The following BMP5 variants were observed in gnomAD, a reference collection of about 807,000 sequenced individuals.
BMP5 encodes bone morphogenetic protein 5.
Under a neutral mutation model 46.6 loss-of-function variants are expected in BMP5, and 23 were observed. The ratio of observed to expected loss-of-function variants is 0.49; its 90% confidence interval spans 0.35 to 0.70. The LOEUF (loss-of-function observed/expected upper bound fraction) is 0.70. Among genes scored for constraint, BMP5 ranks in the 30% least tolerant of loss-of-function variants. BMP5 has a pLI of 0.00. For synonymous variants in BMP5, 204 were observed against 191.9 expected (o/e 1.06, Z -0.52); for missense variants, 545 against 565.6 (o/e 0.96, Z 0.37).
At chr6:55,788,460 A>G (rs1476218610) in intron 3 of BMP5, among the ~76,000 whole-genome samples, 7 of 151,806 alleles carry the variant, frequency 4.6e-5, no homozygotes, top group Non-Finnish European at 8.9e-5. Context: ...CATCAATCTG[A>G]CCTTTTCCCT....
At chr6:55,767,035 T>C (rs1774931757) in intron 4 of BMP5, among the ~76,000 whole-genome samples, 2 of 152,064 alleles carry the variant, frequency 1.3e-5, no homozygotes, top group Non-Finnish European at 2.9e-5. Context: ...TGAATAAATA[T>C]TATTTATAAG....
chr6:55,766,145 G>A (rs1774911621), intron 4 of BMP5, among the ~76,000 whole-genome samples: 1 of 152,064 alleles, frequency 6.6e-6, no homozygotes, highest in African/African-American at 2.4e-5. Flanking sequence ...TAGGTATCCT[G>A]TTGGAAGCCC....
intron 2 of BMP5, among the ~76,000 whole-genome samples, chr6:55,795,745 C>G (rs1449645471): frequency 6.6e-6 from 1 of 152,072 alleles, no homozygotes; most frequent in East Asian, 1.9e-4. Flanking sequence ...TCTAAATATC[C>G]TAATACAAAC....
chr6:55,808,925 C>T (rs1776056740), intron 2 of BMP5, among the ~76,000 whole-genome samples: 1 of 152,156 alleles, frequency 6.6e-6, no homozygotes, highest in South Asian at 2.1e-4. Flanking sequence ...ACCCACCCCA[C>T]AGATACTTTA....
chr6:55,783,980 T>G (rs918030465), intron 3 of BMP5, among the ~76,000 whole-genome samples: 9 of 151,964 alleles, frequency 5.9e-5, no homozygotes, highest in African/African-American at 2.2e-4. Context: ...TTACTTTAAA[T>G]CAATAATTTT....
At chr6:55,772,243 T>A (rs1168757809) in intron 4 of BMP5, among the ~76,000 whole-genome samples, 1 of 151,976 alleles carries the variant, frequency 6.6e-6, no homozygotes, top group East Asian at 1.9e-4. Context: ...TCCATGTGTT[T>A]TATTCATCTC....
In BMP5 at chr6:55,850,886, A is replaced by G. The variant is rs370406672; in HGVS notation, c.490+23490T>C. Among the ~76,000 whole-genome samples, 21 of 152,320 alleles carry G rather than the reference A, an allele frequency of 1.4e-4. No homozygotes were observed. The East Asian group carries it at 4.1e-3, about 29-fold the overall frequency. On this transcript the variant is annotated intron_variant, in intron 1 of 6. Coordinates refer to ENST00000370830, the MANE Select transcript of BMP5 (RefSeq NM_021073.4). Reference sequence around the variant, plus strand: ...TCATTGCAAACAGGAGATAATAAACAGTTTACCTTACAAGATGTAGAATGC... The same window carrying G: ...TCATTGCAAACAGGAGATAATAAACGGTTTACCTTACAAGATGTAGAATGC...
chr6:55,825,409 AATCAAATTATTCAC>A (rs1776506090), intron 1 of BMP5, among the ~76,000 whole-genome samples: 1 of 151,842 alleles, frequency 6.6e-6, no homozygotes, highest in African/African-American at 2.4e-5. Context: ...GTAAAATATG[AATCAAATTATTCAC>A]ATCCCATGAT....
At chr6:55,828,394 G>T (rs1438169991) in intron 1 of BMP5, among the ~76,000 whole-genome samples, 2 of 151,768 alleles carry the variant, frequency 1.3e-5, no homozygotes, top group Non-Finnish European at 2.9e-5. Flanking sequence ...TTGTGCTACT[G>T]TGAAAAGACA....
intron 1 of BMP5, among the ~76,000 whole-genome samples, chr6:55,867,617 T>C (rs1482381351): frequency 6.6e-6 from 1 of 152,092 alleles, no homozygotes; most frequent in East Asian, 1.9e-4. Flanking sequence ...ACCTGCGCAG[T>C]TGCACAGGGT....
At chr6:55,771,011 T>G (rs73453356) in intron 4 of BMP5, among the ~76,000 whole-genome samples, 8,003 of 151,600 alleles carry the variant, frequency 0.053, 702 homozygotes, top group African/African-American at 0.18. Flanking sequence ...ATTGCAAAAA[T>G]TACCAAAATG....
At chr6:55,818,968 A>G (rs976855832) in intron 2 of BMP5, among the ~76,000 whole-genome samples, 2 of 152,022 alleles carry the variant, frequency 1.3e-5, no homozygotes, top group Non-Finnish European at 2.9e-5. Flanking sequence ...ACAGACAGAC[A>G]GACAGATAGA....
chr6:55,852,635 T>C (rs892288273), intron 1 of BMP5, among the ~76,000 whole-genome samples: 2 of 152,184 alleles, frequency 1.3e-5, no homozygotes, highest in African/African-American at 4.8e-5. Flanking sequence ...TCATACCAAT[T>C]AATTTTAGTA....
chr6:55,773,369 T>C (rs1775091396), intron 4 of BMP5, among the ~76,000 whole-genome samples: 1 of 151,998 alleles, frequency 6.6e-6, no homozygotes, highest in South Asian at 2.1e-4. Context: ...AATAATACGA[T>C]TAAGCCACTA....
At chr6:55,778,158 A>G (rs1391227680) in intron 3 of BMP5, among the ~76,000 whole-genome samples, 1 of 152,060 alleles carries the variant, frequency 6.6e-6, no homozygotes, top group Non-Finnish European at 1.5e-5. Flanking sequence ...AAGTGGCTCC[A>G]ATTGCAAGAG....
At chr6:55,870,723 T>C (rs1777765729) in intron 1 of BMP5, among the ~76,000 whole-genome samples, 1 of 152,120 alleles carries the variant, frequency 6.6e-6, no homozygotes. Context: ...ACATAAAGCA[T>C]TTTTTCCTTC....
chr6:55,759,500 G>A (rs1774713806), intron 5 of BMP5, among the ~76,000 whole-genome samples: 1 of 151,772 alleles, frequency 6.6e-6, no homozygotes, highest in Non-Finnish European at 1.5e-5. Flanking sequence ...GATGAACTCT[G>A]GAAAGTTCAA....
chr6:55,760,521 C>T lies in BMP5; in HGVS notation c.1040G>A (p.Ser347Asn), dbSNP rs776849073. Residue 347 changes from serine to asparagine, a missense_variant, in exon 5 of 7, where the codon AGT becomes AAT. Ser to Asn is a conservative substitution (Grantham distance 46, BLOSUM62 1). Transcript: ENST00000370830. ...RMSSVGDYNT[S>N]EQKQACKKHE... is the part of the protein sequence containing the mutation. ...CTTCTTACAGGCTTGTTTTTGCTCA[C>T]TTGTGTTATAATCTGAAGATAAAAA... 3.7e-6 allele frequency: 6 copies of T among 1,612,892 alleles called. No individual in the cohort carries two copies. The South Asian group carries it at 4.4e-5, about 12-fold the overall frequency.
chr6:55,819,684 T>G lies in BMP5; in HGVS notation c.654A>C (p.Ile218=). The part of the protein sequence containing the change: ...RFENETIKIS[I]YQIIKEYTNR... ...TTGTGTATTCCTTGATGATTTGATA[T>G]ATGCTAATCTTAATTGTTTCATTTT... Residue 218 remains isoleucine, a synonymous_variant, in exon 2 of 7, where the codon ATA becomes ATC. Coordinates refer to ENST00000370830, the MANE Select transcript of BMP5 (RefSeq NM_021073.4). The G allele has an allele frequency of 6.2e-7, 1 of 1,613,250 alleles. No homozygotes were observed. Among genetic ancestry groups the G allele is most frequent in the Non-Finnish European group, 8.5e-7 (1 of 1,179,388 alleles).
Sources: gnomAD v4.1 joint callset for allele counts (sites outside exome capture counted in the v4.1 genomes callset) on GRCh38, gnomAD v4.1.1 for gene constraint, MANE v1.5 for transcripts, NCBI Gene and HGNC (gene_info 2026-07-23, HGNC 2026-07-21) for gene names.